Variants in SCAF11 observed in about 807,000 individuals in gnomAD.
SCAF11 encodes SR-related CTD associated factor 11.
A neutral mutation model predicts 140.5 loss-of-function variants in SCAF11; 47 were observed. The observed-to-expected ratio is 0.33, with a 90% CI of 0.26 to 0.43. SCAF11 has a LOEUF of 0.43. SCAF11 is among the 20% of genes least tolerant of loss of function. The probability of loss-of-function intolerance (pLI) is 1.00; values close to 1 mark genes in which losing one functional copy is unlikely to be tolerated. For missense variants in SCAF11, 1,645 were observed against 1,705.1 expected, an observed-to-expected ratio of 0.96 and a Z score of 0.62; for synonymous variants, 557 against 579.4, an observed-to-expected ratio of 0.96 and a Z score of 0.55.
chr12:45,989,218 A>T (rs1946533481), intron 1 of SCAF11, among the ~76,000 whole-genome samples: 1 of 151,270 alleles, frequency 6.6e-6, no homozygotes, highest in Non-Finnish European at 1.5e-5. Flanking sequence ...GTAGGTGGTG[A>T]TATGTAGAAA....
intron 2 of SCAF11, among the ~76,000 whole-genome samples, 172 bp from the exon 3 acceptor site, chr12:45,962,029 C>T (rs1327106670): frequency 6.6e-6 from 1 of 152,112 alleles, no homozygotes; most frequent in Non-Finnish European, 1.5e-5. Context: ...CCAACATTTA[C>T]TTTCTTAAAT....
chr12:45,978,850 GCT>G (rs975378529), intron 1 of SCAF11, among the ~76,000 whole-genome samples: 13 of 152,034 alleles, frequency 8.6e-5, no homozygotes, highest in Non-Finnish European at 1.2e-4. Context: ...AATAAAGAAA[GCT>G]CTCTTAGTTC....
intron 1 of SCAF11, among the ~76,000 whole-genome samples, chr12:45,989,899 G>A (rs1946550285): frequency 6.6e-6 from 1 of 152,196 alleles, no homozygotes; most frequent in Admixed American, 6.5e-5. Flanking sequence ...GCGGTCGGGA[G>A]CGCCCGGAAG....
At chr12:45,991,114 C>T (rs905172980), upstream of SCAF11, among the ~76,000 whole-genome samples, 1 of 152,234 alleles carries the variant, frequency 6.6e-6, no homozygotes, top group Admixed American at 6.5e-5. Context: ...GCTGCGCTGC[C>T]CACCTGAAAT....
intron 1 of SCAF11, 48 bp downstream of exon 1, chr12:45,990,305 C>A: frequency 8.1e-7 from 1 of 1,231,652 alleles, no homozygotes; most frequent in South Asian, 4.1e-5. Context: ...TCGTCTCTCC[C>A]AGACAGCTGC....
At chr12:45,964,870 A>G (rs148796437) in intron 1 of SCAF11, among the ~76,000 whole-genome samples, 50 of 152,292 alleles carry the variant, frequency 3.3e-4, no homozygotes, top group African/African-American at 1.1e-3. Flanking sequence ...GAGAAATACA[A>G]TAACATTTAG....
chr12:45,959,405 T>C (rs144474708), intron 3 of SCAF11, among the ~76,000 whole-genome samples: 3 of 152,300 alleles, frequency 2.0e-5, no homozygotes, highest in African/African-American at 4.8e-5. Context: ...GTATAGCAAA[T>C]AAATATTAAC....
At chr12:45,977,192 C>A (rs1024110309) in intron 1 of SCAF11, among the ~76,000 whole-genome samples, 2 of 151,652 alleles carry the variant, frequency 1.3e-5, no homozygotes, top group Non-Finnish European at 2.9e-5. Context: ...ATGAAAAGAA[C>A]AAATTTATAT....
intron 3 of SCAF11, chr12:45,960,948 G>T: frequency 1.2e-5 from 2 of 173,296 alleles, no homozygotes; most frequent in African/African-American, 2.4e-5. Flanking sequence ...AGCATAATAT[G>T]AACAATAATT....
intron 6 of SCAF11, among the ~76,000 whole-genome samples, chr12:45,938,813 A>G: frequency 6.7e-6 from 1 of 150,252 alleles, no homozygotes; most frequent in African/African-American, 2.5e-5. Flanking sequence ...TAATAAAGAC[A>G]TAATTAGATG....
intron 3 of SCAF11, among the ~76,000 whole-genome samples, chr12:45,952,736 G>A (rs977201348): frequency 5.3e-5 from 8 of 152,126 alleles, no homozygotes; most frequent in Non-Finnish European, 1.2e-4. Context: ...ATTAGGGTAG[G>A]AGGGAAAACT....
At position 45,964,187 on chromosome 12, in the gene SCAF11, T is replaced by G. The variant is rs768054176; in HGVS notation, c.-20A>C. 9.5e-6 allele frequency: 13 copies of G among 1,374,164 alleles called. No homozygotes were observed. The African/African-American group carries it at 1.7e-4, about 18-fold the overall frequency. The allele number at this position is 1,374,164 out of a possible 1,614,324, so 85.1% of individuals were successfully genotyped here. On this transcript the variant is annotated splice_region_variant and 5_prime_UTR_variant, in exon 2 of 15. Transcript: ENST00000369367. ...CTTCATTTCTCTTTGGAAAAGGGTTTCCTATAAGATAAATTATAATAGAGA... is the reference window on the plus strand; with the variant it reads ...CTTCATTTCTCTTTGGAAAAGGGTTGCCTATAAGATAAATTATAATAGAGA...
At chr12:45,936,808 T>C (rs1945183288) in intron 6 of SCAF11, among the ~76,000 whole-genome samples, 1 of 152,214 alleles carries the variant, frequency 6.6e-6, no homozygotes, top group Non-Finnish European at 1.5e-5. Flanking sequence ...AGTATATACA[T>C]ACATCCTCCA....
chr12:45,985,508 C>T (rs1297249461), intron 1 of SCAF11, among the ~76,000 whole-genome samples: 2 of 152,072 alleles, frequency 1.3e-5, no homozygotes, highest in African/African-American at 2.4e-5. Context: ...AACTGAAGGC[C>T]GAAAGTCAGA....
chr12:45,944,868 G>A (rs1945382691), intron 6 of SCAF11, among the ~76,000 whole-genome samples: 1 of 152,184 alleles, frequency 6.6e-6, no homozygotes, highest in Non-Finnish European at 1.5e-5. Flanking sequence ...TTACTTTCTT[G>A]CTGTCACAGT....
chr12:45,958,430 C>G (rs1400793077), intron 3 of SCAF11, among the ~76,000 whole-genome samples: 1 of 152,136 alleles, frequency 6.6e-6, no homozygotes, highest in Non-Finnish European at 1.5e-5. Flanking sequence ...AGATGATAAG[C>G]TTTAGCATAC....
At chr12:45,923,868 C>A (rs1201417091) in intron 12 of SCAF11, among the ~76,000 whole-genome samples, 1 of 148,516 alleles carries the variant, frequency 6.7e-6, no homozygotes, top group African/African-American at 2.5e-5. Context: ...TTTTTTTTTT[C>A]TAGACAGAGT....
intron 1 of SCAF11, among the ~76,000 whole-genome samples, chr12:45,977,094 C>A (rs1946251801): frequency 6.6e-6 from 1 of 151,984 alleles, no homozygotes; most frequent in Non-Finnish European, 1.5e-5. Flanking sequence ...ACCAAATCAA[C>A]ACAATCTCTT....
At chr12:45,974,600 A>G (rs77065356) in intron 1 of SCAF11, 2,153 of 179,466 alleles carry the variant, frequency 0.012, 57 homozygotes, top group African/African-American at 0.048. Context: ...TCTTCATTCA[A>G]AATTTATCAT....
Sources: allele counts gnomAD v4.1 joint callset (sites outside exome capture counted in the v4.1 genomes callset), GRCh38; gene constraint gnomAD v4.1.1; transcripts MANE v1.5; gene names NCBI Gene and HGNC (gene_info 2026-07-23, HGNC 2026-07-21).